Variants in HEBP1 observed in about 807,000 individuals in gnomAD.
HEBP1 encodes heme-binding protein 1.
In HEBP1, 13 loss-of-function variants were observed where a neutral mutation model predicts 20.4. The observed-to-expected ratio is 0.64, with a 90% CI of 0.42 to 1.01. The LOEUF is 1.01. HEBP1 is among the 50% of genes least tolerant of loss of function. The pLI, the probability that HEBP1 is intolerant of heterozygous loss-of-function variation, is 0.00. For missense variants in HEBP1, 241 were observed against 247.3 expected (o/e 0.97, Z 0.17); for synonymous variants, 92 against 90.7 (o/e 1.01, Z -0.08).
chr12:12,987,590 T>TTCTCTC (rs145821079), intron 2 of HEBP1, among the ~76,000 whole-genome samples: 29,214 of 132,932 alleles, frequency 0.22, 4,130 homozygotes, highest in East Asian at 0.43. Context: ...ATCAGTCTCT[T>TTCTCTC]TCTCTCTCTC....
chr12:12,976,291 A>G (rs747286507), intron 3 of HEBP1, among the ~76,000 whole-genome samples: 5 of 152,158 alleles, frequency 3.3e-5, no homozygotes, highest in Admixed American at 1.3e-4. Context: ...CTGTTCCTAA[A>G]TCTGGTATTT....
chr12:12,984,993 A>T (rs1864134068), intron 3 of HEBP1, among the ~76,000 whole-genome samples: 3 of 151,804 alleles, frequency 2.0e-5, no homozygotes, highest in African/African-American at 7.3e-5. Flanking sequence ...CTACTAAAAA[A>T]CTACAAATAT....
chr12:12,979,333 C>T lies in HEBP1; in HGVS notation c.399-3854G>A, dbSNP rs556705808. The T allele has an allele frequency of 5.2e-5, 8 of 152,502 alleles. No homozygotes were observed. In the East Asian group the frequency reaches 1.5e-3, roughly 29 times the overall value. 9.4% of individuals were successfully genotyped at this position (152,502 alleles called of 1,614,324 possible). ...TTCCCTATTGCTTCATCGTAGAATC[C>T]TTTTACTGGAAAACAAACAAACTGG... On this transcript the variant is annotated intron_variant, in intron 3 of 3. Coordinates refer to ENST00000014930, the MANE Select transcript of HEBP1 (RefSeq NM_015987.5).
At chr12:12,994,589 C>T (rs1164467876) in intron 1 of HEBP1, among the ~76,000 whole-genome samples, 1 of 152,112 alleles carries the variant, frequency 6.6e-6, no homozygotes, top group Admixed American at 6.5e-5. Context: ...ACTTGGAGAG[C>T]CAAGTCCCCC....
intron 1 of HEBP1, among the ~76,000 whole-genome samples, chr12:12,995,078 C>T (rs903166835): frequency 2.6e-5 from 4 of 152,180 alleles, no homozygotes; most frequent in African/African-American, 9.7e-5. Flanking sequence ...GTCATTTCCA[C>T]GCCAGGGCCT....
At chr12:12,976,077 CAAAAAAAAAAAAAA>C (rs56110606) in intron 3 of HEBP1, among the ~76,000 whole-genome samples, 2 of 85,906 alleles carry the variant, frequency 2.3e-5, no homozygotes, top group Non-Finnish European at 4.3e-5. Flanking sequence ...GACCCTGTGT[CAAAAAAAAAAAAAA>C]AAAAAAAACA....
chr12:12,990,466 A>G (rs577031179), intron 1 of HEBP1, among the ~76,000 whole-genome samples: 7 of 152,254 alleles, frequency 4.6e-5, no homozygotes, highest in Non-Finnish European at 8.8e-5. Context: ...ATGAGCCACA[A>G]TTGAAACTGC....
chr12:12,989,465 T>C, intron 1 of HEBP1, 50 bp from the exon 2 acceptor site: 1 of 1,597,210 alleles, frequency 6.3e-7, no homozygotes, highest in South Asian at 1.1e-5. Flanking sequence ...TAGCAACTTG[T>C]GATGTCTCTA....
chr12:12,976,809 T>C (rs1390626749), intron 3 of HEBP1, among the ~76,000 whole-genome samples: 3 of 152,246 alleles, frequency 2.0e-5, no homozygotes, highest in Admixed American at 1.3e-4. Context: ...TCTAGCTTCA[T>C]TGAGGTTCAA....
rs532073911 is a variant in HEBP1 at position 12,989,338 on chromosome 12, A to T, written c.156T>A (p.Asp52Glu). The T allele has an allele frequency of 5.2e-5, 84 of 1,614,186 alleles. 1 individual carries two copies. The South Asian group carries it at 5.8e-4, about 11-fold the overall frequency. Reference protein sequence around the residue: ...ATVEVTDKPVDEALREAMPKV... With the variant: ...ATVEVTDKPVEEALREAMPKV... ...TGGGCATTGCTTCCCGTAGAGCCTC[A>T]TCCACAGGCTTATCTGTCACTTCTA... Residue 52 changes from aspartate (D) to glutamate (E), a missense_variant, in exon 2 of 4, where the codon GAT becomes GAA. Coordinates refer to ENST00000014930, the MANE Select transcript of HEBP1 (RefSeq NM_015987.5).
intron 3 of HEBP1, among the ~76,000 whole-genome samples, chr12:12,980,957 G>A (rs850931): frequency 0.013 from 2,048 of 152,346 alleles, 57 homozygotes; most frequent in African/African-American, 0.046. Flanking sequence ...CTCAGTTTCT[G>A]AGCAAAGACA....
chr12:12,983,933 C>A, intron 3 of HEBP1: 1 of 345,910 alleles, frequency 2.9e-6, no homozygotes. Flanking sequence ...ACTACTGGAG[C>A]TGTGTCAAAA....
chr12:12,991,082 A>G (rs1864219431), intron 1 of HEBP1, among the ~76,000 whole-genome samples: 1 of 151,690 alleles, frequency 6.6e-6, no homozygotes, highest in Non-Finnish European at 1.5e-5. Context: ...GTAATAACAA[A>G]CCTCTGGTCT....
In HEBP1 at chr12:12,986,288, GA is replaced by G; in HGVS notation, c.398+863del. On this transcript the variant is annotated intron_variant, in intron 3 of 3. Transcript: ENST00000014930. The surrounding 1 kb of genome is among the most constrained non-coding windows in gnomAD (Gnocchi z 4.3). ...CTCAGAACATTGACACAGCTCCGGG[GA>G]AAATGGTCCCACCATCAGGTTCAGG... 2 of 152,530 alleles carry G rather than the reference GA, an allele frequency of 1.3e-5. No individual in the cohort carries two copies. The highest frequency in any genetic ancestry group is 2.9e-5 in the Non-Finnish European group (2 of 68,200). The allele number at this position is 152,530 out of a possible 1,614,324, so 9.4% of individuals were successfully genotyped here. A position where few individuals can be genotyped will look rare whatever the true frequency, so the allele number is the denominator to read the frequency against.
intron 3 of HEBP1, among the ~76,000 whole-genome samples, chr12:12,978,395 G>A (rs7139278): frequency 0.24 from 36,145 of 151,476 alleles, 5,051 homozygotes; most frequent in East Asian, 0.46. Context: ...TACAGATGGG[G>A]TTTTGCCGTA....
In HEBP1 at chr12:12,998,040, C is replaced by T. The variant is rs1386828980; in HGVS notation, c.78+1997G>A. On this transcript the variant is annotated intron_variant, in intron 1 of 3. Coordinates refer to ENST00000014930, the MANE Select transcript of HEBP1 (RefSeq NM_015987.5). This position sits in a 1 kb window ranked among gnomAD's most constrained non-coding sequence, Gnocchi z 4.2. ...CTCACAGCAGGACTGATATTAATAA[C>T]TGGCATCCTTATTGCATTTGTGTCC... Among the ~76,000 whole-genome samples the T allele has an allele frequency of 2.0e-5, 3 of 152,132 alleles. No homozygotes were observed. Among genetic ancestry groups the T allele is most frequent in the East Asian group, 3.9e-4 (2 of 5,164 alleles).
At chr12:12,991,419 A>G (rs10845693) in intron 1 of HEBP1, among the ~76,000 whole-genome samples, 35,280 of 151,954 alleles carry the variant, frequency 0.23, 5,141 homozygotes, top group East Asian at 0.46. Flanking sequence ...AATCTGCTTA[A>G]TGCTCAGCTC....
At position 12,999,030 on chromosome 12, in the gene HEBP1, A is replaced by G. The variant is rs114852473; in HGVS notation, c.78+1007T>C. 8.0e-4 allele frequency among the ~76,000 whole-genome samples: 122 copies of G among 152,310 alleles called. 1 individual carries two copies. The highest frequency in any genetic ancestry group is 2.8e-3 in the African/African-American group (116 of 41,548). On this transcript the variant is annotated intron_variant, in intron 1 of 3. Coordinates refer to ENST00000014930, the MANE Select transcript of HEBP1 (RefSeq NM_015987.5). The stretch of plus-strand genomic sequence containing the variant: ...CACTCCTACACATCCCTGAGGCCCC[A>G]GCTCAGGACACTCCACTGAGGTCCC...
At chr12:12,979,461 T>C (rs1045856330) in intron 3 of HEBP1, 1 of 152,576 alleles carries the variant, frequency 6.6e-6, no homozygotes, top group African/African-American at 2.4e-5. Context: ...AACTGAACCC[T>C]ACCCGGAATC....
Sources: gnomAD v4.1 joint callset for allele counts (sites outside exome capture counted in the v4.1 genomes callset) on GRCh38, gnomAD v4.1.1 for gene constraint, Gnocchi (gnomAD v3.1) non-coding constraint, MANE v1.5 for transcripts, NCBI Gene and HGNC (gene_info 2026-07-23, HGNC 2026-07-21) for gene names.